The following DNAH10 variants were observed in gnomAD, a reference collection of about 807,000 sequenced individuals.
The protein encoded by DNAH10 is dynein axonemal heavy chain 10.
Under a neutral mutation model 506.6 loss-of-function variants are expected in DNAH10, and 348 were observed. The ratio of observed to expected loss-of-function variants is 0.69; its 90% CI spans 0.63 to 0.75. The LOEUF (loss-of-function observed/expected upper bound fraction) is 0.75. Ranked by LOEUF, DNAH10 falls within the 30% of genes least tolerant of loss-of-function variation. DNAH10 has a pLI of 0.00. For synonymous variants in DNAH10, 2,059 were observed against 2,198.6 expected (o/e 0.94, Z 1.78); for missense variants, 5,179 against 5,787.1 (o/e 0.89, Z 3.41).
intron 33 of DNAH10, 87 bp from the exon 34 acceptor site, chr12:123,848,643 T>C (rs1951046823): frequency 1.1e-5 from 17 of 1,528,344 alleles, no homozygotes; most frequent in Non-Finnish European, 1.5e-5. Flanking sequence ...CATTGTTTGC[T>C]TTAATTTAGA....
chr12:123,832,326 T>A (rs1960650222), intron 26 of DNAH10, among the ~76,000 whole-genome samples: 1 of 152,296 alleles, frequency 6.6e-6, no homozygotes, highest in African/African-American at 2.4e-5. Flanking sequence ...TATGCACACG[T>A]ACATATAATG....
chr12:123,935,189 G>T (rs1411744363), intron 78 of DNAH10, 146 bp from the exon 79 acceptor site: 15 of 926,172 alleles, frequency 1.6e-5, no homozygotes, highest in Non-Finnish European at 2.4e-5. Flanking sequence ...GGCGGAGGGT[G>T]GCCCTGAGCA....
intron 24 of DNAH10, among the ~76,000 whole-genome samples, chr12:123,823,292 T>C (rs1959612856): frequency 6.6e-6 from 1 of 151,994 alleles, no homozygotes; most frequent in Non-Finnish European, 1.5e-5. Flanking sequence ...CACCAGGAAA[T>C]GGGGTTGGGA....
intron 32 of DNAH10, among the ~76,000 whole-genome samples, chr12:123,847,223 TATCTATC>T (rs1950988369): frequency 7.9e-5 from 3 of 37,954 alleles, no homozygotes; most frequent in Non-Finnish European, 1.6e-4. Context: ...TCCTATTATC[TATCTATC>T]TATCTATCTA....
In DNAH10 at chr12:123,841,373, A is replaced by G. The variant is rs767426716; in HGVS notation, c.5188A>G (p.Lys1730Glu). 2.5e-6 allele frequency: 4 copies of G among 1,613,906 alleles called. No individual in the cohort carries two copies. In the African/African-American group the frequency reaches 5.3e-5, roughly 22 times the overall value. ...LRFNDGDSGE[K>E]LVSAMISAEG... The stretch of plus-strand genomic sequence containing the variant: ...GTTTAATGACGGCGATAGTGGAGAA[A>G]AACTGGTGTCCGCGATGATTTCAGC... Residue 1730 changes from lysine to glutamate, a missense_variant, in exon 30 of 79, where the codon AAA becomes GAA. By Grantham distance (56) the Lys-to-Glu change is moderately conservative. Transcript: ENST00000673944.
intron 21 of DNAH10, among the ~76,000 whole-genome samples, chr12:123,816,732 A>AAT (rs1378068426): frequency 2.0e-5 from 3 of 152,190 alleles, no homozygotes; most frequent in Non-Finnish European, 4.4e-5. Context: ...CTGGGCACCT[A>AAT]ATACTTGCAA....
At chr12:123,879,209 C>A in intron 48 of DNAH10, 55 bp from the exon 49 acceptor site, 1 of 1,473,528 alleles carries the variant, frequency 6.8e-7, no homozygotes, top group Non-Finnish European at 9.3e-7. Context: ...CAGCCGTCAG[C>A]CCTGGTATCC....
At chr12:123,767,413 T>C (rs1957088840) in intron 1 of DNAH10, among the ~76,000 whole-genome samples, 193 bp from the exon 2 acceptor site, 1 of 152,228 alleles carries the variant, frequency 6.6e-6, no homozygotes, top group Non-Finnish European at 1.5e-5. Context: ...TGGCAGAATT[T>C]GCACAAACCT....
chr12:123,801,195 G>T, intron 15 of DNAH10, 86 bp from the exon 16 acceptor site: 1 of 1,417,082 alleles, frequency 7.1e-7, no homozygotes, highest in East Asian at 2.4e-5. Flanking sequence ...TTGAGACCAC[G>T]GTCTTTTGTA....
chr12:123,917,707 A>T lies in DNAH10; in HGVS notation c.11126A>T (p.Asp3709Val). The T allele has an allele frequency of 6.4e-7, 1 of 1,560,626 alleles. No individual in the cohort carries two copies. The highest frequency in any genetic ancestry group is 8.7e-7 in the Non-Finnish European group (1 of 1,152,588). ...AGCGAGAACAAGAACCTGCTCAAGG[A>T]CCTGGAAGATTCCCTCCTTCGGGAG... ...ETSENKNLLKDLEDSLLRELA... is the reference protein window; with the variant it reads ...ETSENKNLLKVLEDSLLRELA... The change falls in exon 64 of 79, where the codon GAC (aspartate) becomes GTC (valine). Residue 3709 changes from aspartate (D) to valine (V), a missense_variant. Around this residue, in one of 3 missense-constraint regions of DNAH10, gnomAD observed 4,844 missense variants for 5,430.5 expected, o/e 0.89. Coordinates refer to ENST00000673944, the MANE Select transcript of DNAH10 (RefSeq NM_001372106.1). The surrounding 1 kb of genome is among the most constrained non-coding windows in gnomAD (Gnocchi z 5.6).
At chr12:123,865,675 C>T (rs1951777142) in intron 40 of DNAH10, among the ~76,000 whole-genome samples, 1 of 152,028 alleles carries the variant, frequency 6.6e-6, no homozygotes, top group Admixed American at 6.6e-5. Context: ...TTATTTTCTT[C>T]TTTATATTTT....
intron 25 of DNAH10, among the ~76,000 whole-genome samples, chr12:123,827,812 A>G (rs1365615953): frequency 6.6e-6 from 1 of 152,070 alleles, no homozygotes; most frequent in Non-Finnish European, 1.5e-5. Context: ...CCCTCTCAAC[A>G]AGGAGCAGGC....
At chr12:123,906,179 G>A (rs1485967902) in intron 57 of DNAH10, among the ~76,000 whole-genome samples, 4 of 151,636 alleles carry the variant, frequency 2.6e-5, no homozygotes, top group Admixed American at 6.6e-5. Context: ...TGATCCACCC[G>A]CCTCGGCCTC....
intron 56 of DNAH10, among the ~76,000 whole-genome samples, chr12:123,900,123 T>G (rs974642560): frequency 1.3e-5 from 2 of 152,244 alleles, no homozygotes; most frequent in African/African-American, 4.8e-5. Flanking sequence ...GCTAAGAATA[T>G]CCGTACCACT....
intron 51 of DNAH10, among the ~76,000 whole-genome samples, chr12:123,884,697 T>TTG (rs897505568): frequency 5.3e-5 from 8 of 151,932 alleles, no homozygotes; most frequent in Admixed American, 2.6e-4. Flanking sequence ...CAAAGGAATT[T>TTG]TGTGTGTGTG....
At chr12:123,780,942 CAAAA>C (rs376709809) in intron 5 of DNAH10, 134 bp from the exon 6 acceptor site, 738 of 332,970 alleles carry the variant, frequency 2.2e-3, no homozygotes, top group Middle Eastern at 4.9e-3. Flanking sequence ...GACTCTGTCT[CAAAA>C]AAAAAAAAAA....
chr12:123,838,828 T>G, intron 29 of DNAH10, 139 bp downstream of exon 29: 1 of 772,350 alleles, frequency 1.3e-6, no homozygotes, highest in East Asian at 2.6e-5. Context: ...TGGTTTGTTT[T>G]TTGAGACAGG....
At chr12:123,770,371 A>G (rs1265006655) in intron 2 of DNAH10, among the ~76,000 whole-genome samples, 1 of 151,820 alleles carries the variant, frequency 6.6e-6, no homozygotes, top group Non-Finnish European at 1.5e-5. Flanking sequence ...AGGCGGCACC[A>G]TCACTCCTGG....
intron 38 of DNAH10, among the ~76,000 whole-genome samples, chr12:123,860,444 T>C (rs1951568974): frequency 6.6e-6 from 1 of 152,240 alleles, no homozygotes; most frequent in Non-Finnish European, 1.5e-5. Flanking sequence ...TACTGATTCG[T>C]TGGTTGTGAA....
Sources: gnomAD v4.1 joint callset for allele counts (sites outside exome capture counted in the v4.1 genomes callset) on GRCh38, gnomAD v4.1.1 for gene constraint, gnomAD v4.1.1 regional missense constraint, Gnocchi (gnomAD v3.1) non-coding constraint, MANE v1.5 for transcripts, NCBI Gene and HGNC (gene_info 2026-07-23, HGNC 2026-07-21) for gene names.